SAMTOR: variants seen among roughly 807,000 people sequenced by gnomAD.
The protein encoded by SAMTOR is S-adenosylmethionine sensor upstream of mTORC1.
chr7:112,880,387 T>C, the SAMTOR span, among the ~76,000 whole-genome samples: 2 of 152,152 alleles, frequency 1.3e-5, no homozygotes, highest in South Asian at 2.1e-4. Context: ...CTCAGAATGT[T>C]AGATATTTCC....
At chr7:112,825,215 C>T in the SAMTOR span, among the ~76,000 whole-genome samples, 12 of 151,594 alleles carry the variant, frequency 7.9e-5, no homozygotes, top group African/African-American at 2.7e-4. Flanking sequence ...TTTGTAGAGA[C>T]AGGTTTTTGC....
the SAMTOR span, among the ~76,000 whole-genome samples, chr7:112,919,687 T>G: frequency 2.0e-5 from 3 of 151,630 alleles, no homozygotes; most frequent in African/African-American, 7.3e-5. Flanking sequence ...ATCAACAAAA[T>G]TGATAGACCG....
chr7:112,878,320 G>C, the SAMTOR span, among the ~76,000 whole-genome samples: 2 of 152,102 alleles, frequency 1.3e-5, 1 homozygote, highest in South Asian at 4.1e-4. Context: ...ATCCACTGTT[G>C]CTTTTGAACT....
At chr7:112,831,533 G>A in the SAMTOR span, among the ~76,000 whole-genome samples, 1 of 152,072 alleles carries the variant, frequency 6.6e-6, no homozygotes, top group Non-Finnish European at 1.5e-5. Flanking sequence ...GTACATGCCT[G>A]TAATCCAGCT....
chr7:112,922,191 C>T, the SAMTOR span, among the ~76,000 whole-genome samples: 4 of 152,210 alleles, frequency 2.6e-5, no homozygotes, highest in African/African-American at 7.2e-5. Context: ...CTCCTAACCG[C>T]GAGTGATCCG....
chr7:112,868,918 A>T, the SAMTOR span, among the ~76,000 whole-genome samples: 2 of 152,182 alleles, frequency 1.3e-5, no homozygotes, highest in Admixed American at 1.3e-4. Context: ...ACAAGTCTGC[A>T]TGGGTCACTG....
At chr7:112,932,240 T>C in the SAMTOR span, among the ~76,000 whole-genome samples, 1 of 152,280 alleles carries the variant, frequency 6.6e-6, no homozygotes, top group Non-Finnish European at 1.5e-5. Context: ...TTACCATTTT[T>C]ATTACCAACA....
At chr7:112,932,523 A>G in the SAMTOR span, among the ~76,000 whole-genome samples, 1 of 152,248 alleles carries the variant, frequency 6.6e-6, no homozygotes, top group Non-Finnish European at 1.5e-5. Flanking sequence ...AAATATTTAC[A>G]TTAGCTTCTT....
chr7:112,936,847 T>C, the SAMTOR span, among the ~76,000 whole-genome samples: 1 of 152,132 alleles, frequency 6.6e-6, no homozygotes, highest in Non-Finnish European at 1.5e-5. Flanking sequence ...TTCCCATCAA[T>C]TTATAACTTT....
the SAMTOR span, among the ~76,000 whole-genome samples, chr7:112,898,070 C>G: frequency 6.6e-6 from 1 of 152,226 alleles, no homozygotes; most frequent in Non-Finnish European, 1.5e-5. Context: ...TGGAACACAG[C>G]ACTGGGCAGA....
chr7:112,924,908 A>G, the SAMTOR span, among the ~76,000 whole-genome samples: 2 of 152,076 alleles, frequency 1.3e-5, no homozygotes, highest in Non-Finnish European at 2.9e-5. Context: ...TAAAATAACT[A>G]TTCATAAAAC....
chr7:112,839,085 C>G, the SAMTOR span, among the ~76,000 whole-genome samples: 4 of 151,796 alleles, frequency 2.6e-5, no homozygotes, highest in Non-Finnish European at 2.9e-5. Context: ...AGGGTTGAAG[C>G]AGAGAAAGTA....
the SAMTOR span, among the ~76,000 whole-genome samples, chr7:112,925,400 GTCAT>G: frequency 6.6e-6 from 1 of 152,272 alleles, no homozygotes; most frequent in East Asian, 1.9e-4. Flanking sequence ...GTTAATAGGA[GTCAT>G]TCAAACAAAA....
At chr7:112,849,045 T>A in the SAMTOR span, among the ~76,000 whole-genome samples, 1 of 119,518 alleles carries the variant, frequency 8.4e-6, no homozygotes. Context: ...CAAGACTCCA[T>A]CTAAAAAAAA....
At chr7:112,921,144 C>G in the SAMTOR span, among the ~76,000 whole-genome samples, 1 of 151,786 alleles carries the variant, frequency 6.6e-6, no homozygotes, top group Non-Finnish European at 1.5e-5. Flanking sequence ...ACCAAGTCAA[C>G]CCTAAGCCAA....
At chr7:112,919,554 C>G in the SAMTOR span, among the ~76,000 whole-genome samples, 1 of 152,026 alleles carries the variant, frequency 6.6e-6, no homozygotes, top group African/African-American at 2.4e-5. Flanking sequence ...AAAGCTAGAG[C>G]AAACACATTC....
the SAMTOR span, among the ~76,000 whole-genome samples, chr7:112,900,692 T>A: frequency 6.6e-6 from 1 of 151,874 alleles, no homozygotes; most frequent in Non-Finnish European, 1.5e-5. Flanking sequence ...AAAAGACAAA[T>A]ACATCAATGG....
At chr7:112,870,548 A>G in the SAMTOR span, among the ~76,000 whole-genome samples, 3 of 152,172 alleles carry the variant, frequency 2.0e-5, no homozygotes, top group Admixed American at 6.5e-5. Flanking sequence ...AGGGAGTTCT[A>G]AACAAGGAAA....
chr7:112,884,168 C>T, the SAMTOR span, among the ~76,000 whole-genome samples: 6 of 152,152 alleles, frequency 3.9e-5, no homozygotes, highest in South Asian at 4.1e-4. Context: ...ATTCAATTAC[C>T]TTCCACCGGG....
Sources: gnomAD v4.1 joint callset for allele counts (sites outside exome capture counted in the v4.1 genomes callset) on GRCh38, gnomAD v4.1.1 for gene constraint, MANE v1.5 for transcripts, NCBI Gene and HGNC (gene_info 2026-07-23, HGNC 2026-07-21) for gene names.